SUPT6H: variants seen among roughly 807,000 people sequenced by gnomAD.
SUPT6H encodes transcription elongation factor SPT6.
SUPT6H carries 11 observed loss-of-function variants against 222.3 expected under a neutral mutation model. The observed-to-expected ratio is 0.05, with a 90% CI of 0.03 to 0.08. The LOEUF is 0.08. SUPT6H is among the 10% of genes least tolerant of loss of function. SUPT6H has a pLI of 1.00. For missense variants in SUPT6H, 1,422 were observed against 2,216.0 expected (o/e 0.64, Z 7.19); for synonymous variants, 762 against 801.2 (o/e 0.95, Z 0.83).
chr17:28,671,543 C>T (rs558887922), intron 1 of SUPT6H, among the ~76,000 whole-genome samples: 200 of 152,192 alleles, frequency 1.3e-3, no homozygotes, highest in South Asian at 3.5e-3. Context: ...TTTAGGGTTC[C>T]ACAATGGAAT....
intron 28 of SUPT6H, 84 bp from the exon 29 acceptor site, chr17:28,695,267 TG>T: frequency 1.4e-6 from 2 of 1,416,892 alleles, no homozygotes; most frequent in Non-Finnish European, 1.9e-6. Context: ...CCTTTCTGCC[TG>T]GACTTTGGTT....
intron 11 of SUPT6H, among the ~76,000 whole-genome samples, chr17:28,679,292 G>C (rs978174445): frequency 9.2e-5 from 14 of 152,164 alleles, no homozygotes; most frequent in African/African-American, 3.4e-4. Flanking sequence ...AGAATTGCTT[G>C]AACCTGGGAG....
intron 17 of SUPT6H, 94 bp from the exon 18 acceptor site, chr17:28,684,492 A>G: frequency 6.8e-7 from 1 of 1,465,036 alleles, no homozygotes; most frequent in African/African-American, 1.4e-5. Flanking sequence ...ACCCTCGCAC[A>G]TGTGTGTATG....
intron 28 of SUPT6H, among the ~76,000 whole-genome samples, chr17:28,694,088 G>T (rs1331867841): frequency 6.6e-6 from 1 of 152,252 alleles, no homozygotes; most frequent in Non-Finnish European, 1.5e-5. Flanking sequence ...GGCTCTTCCT[G>T]TGTGGGAAGC....
Position 28,666,020 on chromosome 17 carries a change from A to G in SUPT6H, c.-32+3678A>G, listed in dbSNP as rs183762244. Among the ~76,000 whole-genome samples the G allele has an allele frequency of 6.6e-5, 10 of 152,044 alleles. No individual in the cohort carries two copies. The East Asian group carries it at 1.9e-3, about 29-fold the overall frequency. On this transcript the variant is annotated intron_variant, in intron 1 of 36. Transcript: ENST00000314616. ...TGCCTAGATCCTTATGACTTCTCCAACCCTTATGAACCATTCTTCCTCTCC... is the reference window on the plus strand; with the variant it reads ...TGCCTAGATCCTTATGACTTCTCCAGCCCTTATGAACCATTCTTCCTCTCC...
At chr17:28,696,771 G>A (rs2031940087) in intron 29 of SUPT6H, 73 bp from the exon 30 acceptor site, 1 of 1,343,476 alleles carries the variant, frequency 7.4e-7, no homozygotes, top group African/African-American at 1.4e-5. Flanking sequence ...AAGAAATGAA[G>A]GCCTGGTTTG....
At position 28,697,912 on chromosome 17, in the gene SUPT6H, G is replaced by A. The variant is rs1477710916; in HGVS notation, c.4330G>A (p.Glu1444Lys). 6.2e-7 allele frequency: 1 copy of A among 1,613,926 alleles called. No homozygotes were observed. The highest frequency in any genetic ancestry group is 1.3e-5 in the African/African-American group (1 of 74,920). ...CCCCTCATTCTACCCCCAGAAATTA[G>A]AGGAGCTGCTCATCAAAACTAAGAA... ...DCSGGDRKKLEELLIKTKKEK... is the reference protein window; with the variant it reads ...DCSGGDRKKLKELLIKTKKEK... Residue 1444 changes from glutamate to lysine, a missense_variant, in exon 32 of 37, where the codon GAG becomes AAG. Transcript: ENST00000314616.
At chr17:28,692,780 T>C (rs1344687827) in intron 27 of SUPT6H, among the ~76,000 whole-genome samples, 1 of 144,444 alleles carries the variant, frequency 6.9e-6, no homozygotes, top group South Asian at 2.3e-4. Flanking sequence ...GGTAGGTGGA[T>C]CACGAGGTCA....
rs773372476 is a variant in SUPT6H, at chr17:28,687,201, G to A, written c.2814G>A (p.Leu938=). The change falls in exon 22 of 37, where the codon CTG becomes CTA. Residue 938 remains leucine, a synonymous_variant. Transcript: ENST00000314616. The part of the protein sequence containing the change: ...AQVCSSDEDI[L]CLKFHPLQEH... ...TGTGCAGTTCCGATGAAGACATCCT[G>A]TGTCTCAAGTTTCACCCCTTGCAGG... The A allele has an allele frequency of 6.2e-7, 1 of 1,614,074 alleles. No individual in the cohort carries two copies. Among genetic ancestry groups the A allele is most frequent in the Non-Finnish European group, 8.5e-7 (1 of 1,180,054 alleles).
chr17:28,675,262 G>C (rs1201490310), intron 5 of SUPT6H, 100 bp downstream of exon 5: 7 of 1,486,170 alleles, frequency 4.7e-6, no homozygotes, highest in African/African-American at 1.4e-5. Context: ...ACATCCCCCA[G>C]CATTTGACAC....
At chr17:28,664,542 A>C (rs1328457332) in intron 1 of SUPT6H, among the ~76,000 whole-genome samples, 3 of 152,210 alleles carry the variant, frequency 2.0e-5, no homozygotes, top group Admixed American at 6.5e-5. Context: ...GAATTCTCAC[A>C]GGAATCCCGA....
At position 28,693,770 on chromosome 17, in the gene SUPT6H, C is replaced by T. The variant is rs753595338; in HGVS notation, c.3708C>T (p.Val1236=). The change falls in exon 28 of 37, where the codon GTC becomes GTT. Residue 1236 remains valine (V), a synonymous_variant. Coordinates refer to ENST00000314616, the MANE Select transcript of SUPT6H (RefSeq NM_003170.5). ...TCAAAACACGGCTAGACAATGGTGT[C>T]ACCGGCTTCATCCCCACCAAATTCC... ...IGVKTRLDNG[V]TGFIPTKFLS... The T allele has an allele frequency of 2.5e-6, 4 of 1,614,102 alleles. No homozygotes were observed. The African/African-American group carries it at 5.3e-5, about 22-fold the overall frequency.
chr17:28,687,232 A>G lies in SUPT6H; in HGVS notation c.2838+7A>G. 1 of 1,614,194 alleles carries G rather than the reference A, an allele frequency of 6.2e-7. No individual in the cohort carries two copies. Among genetic ancestry groups the G allele is most frequent in the Non-Finnish European group, 8.5e-7 (1 of 1,180,044 alleles). On this transcript the variant is annotated splice_region_variant and intron_variant, in intron 22 of 36. Coordinates refer to ENST00000314616, the MANE Select transcript of SUPT6H (RefSeq NM_003170.5). Reference sequence around the variant, plus strand: ...CAAGTTTCACCCCTTGCAGGTGAGTAGGATTTGACAGGCAGGCTCGGGTGA... The same window carrying G: ...CAAGTTTCACCCCTTGCAGGTGAGTGGGATTTGACAGGCAGGCTCGGGTGA...
At position 28,688,430 on chromosome 17, in the gene SUPT6H, A is replaced by G. The variant is rs942525544; in HGVS notation, c.3134+212A>G. The G allele has an allele frequency of 1.4e-5, 6 of 416,040 alleles. No homozygotes were observed. The highest frequency in any genetic ancestry group is 1.2e-4 in the African/African-American group (6 of 48,410). The allele number at this position is 416,040 out of a possible 1,614,324, so 25.8% of individuals were successfully genotyped here. On this transcript the variant is annotated intron_variant, in intron 24 of 36. Coordinates refer to ENST00000314616, the MANE Select transcript of SUPT6H (RefSeq NM_003170.5). This position sits in a 1 kb window ranked among gnomAD's most constrained non-coding sequence, Gnocchi z 4.3. ...AACATTTTTCGTGTGAGAGAAACAT[A>G]AAAAGTACCAGCTTAGCTTATAAAT...
At chr17:28,701,259 C>T (rs2032119832) in intron 36 of SUPT6H, 131 bp downstream of exon 36, 2 of 1,410,134 alleles carry the variant, frequency 1.4e-6, no homozygotes, top group Non-Finnish European at 1.9e-6. Flanking sequence ...GCCAGGAACA[C>T]TAGTTTCTGG....
chr17:28,673,585 G>A (rs2030560869), intron 2 of SUPT6H, 75 bp downstream of exon 2: 1 of 1,129,476 alleles, frequency 8.9e-7, no homozygotes, highest in Non-Finnish European at 1.3e-6. Flanking sequence ...CTGATGAAAA[G>A]CTCAGGCTCA....
rs755435428 is a variant in SUPT6H, at chr17:28,687,098, G to A, written c.2711G>A (p.Arg904Gln). 51 of 1,613,226 alleles carry A rather than the reference G, an allele frequency of 3.2e-5. No homozygotes were observed. Among genetic ancestry groups the A allele is most frequent in the South Asian group, 1.1e-5 (1 of 91,038 alleles). The change falls in exon 22 of 37, where the codon CGG (arginine) becomes CAG (glutamine). Residue 904 changes from arginine (R) to glutamine (Q), a missense_variant. Physicochemically the swap from Arg to Gln is conservative, Grantham distance 43. Transcript: ENST00000314616. ...MNSKKSEAEF[R>Q]DYPPVLRQAV... The stretch of plus-strand genomic sequence containing the variant: ...CTCGTTTGACTCTAGGCAGAGTTCC[G>A]GGATTATCCTCCAGTGCTGAGACAG...
chr17:28,697,845 A>G, intron 31 of SUPT6H, 61 bp from the exon 32 acceptor site: 2 of 1,608,036 alleles, frequency 1.2e-6, no homozygotes, highest in Non-Finnish European at 1.7e-6. Context: ...TCATGTGTGC[A>G]CCAGACGTTG....
At chr17:28,667,719 C>G (rs995581385) in intron 1 of SUPT6H, among the ~76,000 whole-genome samples, 3 of 151,446 alleles carry the variant, frequency 2.0e-5, no homozygotes, top group African/African-American at 7.3e-5. Flanking sequence ...CAGATATTCC[C>G]CAACCTTCCC....
Sources: gnomAD v4.1 joint callset for allele counts (sites outside exome capture counted in the v4.1 genomes callset) on GRCh38, gnomAD v4.1.1 for gene constraint, Gnocchi (gnomAD v3.1) non-coding constraint, MANE v1.5 for transcripts, NCBI Gene and HGNC (gene_info 2026-07-23, HGNC 2026-07-21) for gene names.